The following LRCH3 variants were observed in gnomAD, a reference collection of about 807,000 sequenced individuals.
The protein encoded by LRCH3 is leucine rich repeats and calponin homology domain containing 3.
A neutral mutation model predicts 104.5 loss-of-function variants in LRCH3; 68 were observed. That is an observed-to-expected ratio of 0.65 (90% CI 0.54 to 0.80). The LOEUF (loss-of-function observed/expected upper bound fraction) is 0.80. LRCH3 is among the 30% of genes least tolerant of loss of function. The probability of loss-of-function intolerance (pLI) is 0.00; values close to 1 mark genes in which losing one functional copy is unlikely to be tolerated. For synonymous variants in LRCH3, 344 were observed against 361.3 expected, an observed-to-expected ratio of 0.95 and a Z score of 0.54; for missense variants, 951 against 953.9, an observed-to-expected ratio of 1.00 and a Z score of 0.04.
intron 10 of LRCH3, among the ~76,000 whole-genome samples, chr3:197,846,849 TAGC>T (rs1388955219): frequency 2.0e-5 from 3 of 152,290 alleles, no homozygotes; most frequent in African/African-American, 7.2e-5. Context: ...TTAACACTGA[TAGC>T]AGTGAGAAGG....
Position 197,791,611 on chromosome 3 carries a change from G to A in LRCH3, c.262+71G>A. 2.8e-6 allele frequency: 4 copies of A among 1,452,472 alleles called. No homozygotes were observed. In the South Asian group the frequency reaches 5.4e-5, roughly 19 times the overall value. The allele number at this position is 1,452,472 out of a possible 1,614,324, so 90.0% of individuals were successfully genotyped here. On this transcript the variant is annotated intron_variant, in intron 1 of 20. Coordinates refer to ENST00000425562, the MANE Select transcript of LRCH3 (RefSeq NM_001365715.1). ...GGGAGCCGCCCCGGCCGGGGGAGGCGGATGCGGGGGAGTTACAGCAGCTCG... is the reference window on the plus strand; with the variant it reads ...GGGAGCCGCCCCGGCCGGGGGAGGCAGATGCGGGGGAGTTACAGCAGCTCG...
chr3:197,879,487 AT>A (rs1226996867), intron 20 of LRCH3, among the ~76,000 whole-genome samples: 2 of 151,166 alleles, frequency 1.3e-5, no homozygotes, highest in Non-Finnish European at 2.9e-5. Flanking sequence ...TCTACTAAAA[AT>A]ACAAAAAATT....
chr3:197,802,831 T>C (rs1159034869), intron 1 of LRCH3, among the ~76,000 whole-genome samples: 1 of 152,210 alleles, frequency 6.6e-6, no homozygotes, highest in African/African-American at 2.4e-5. Flanking sequence ...CGAAAAGAAG[T>C]GATTGAGAGC....
intron 12 of LRCH3, among the ~76,000 whole-genome samples, chr3:197,849,787 G>A (rs537909630): frequency 8.5e-5 from 13 of 152,150 alleles, no homozygotes; most frequent in African/African-American, 1.2e-4. Flanking sequence ...AACTTGGTTC[G>A]TCCATTTGAC....
intron 4 of LRCH3, among the ~76,000 whole-genome samples, chr3:197,826,177 A>G (rs1173091038): frequency 6.6e-6 from 1 of 152,216 alleles, no homozygotes; most frequent in African/African-American, 2.4e-5. Flanking sequence ...CAAGCTGTGT[A>G]TTTTATTAGA....
intron 8 of LRCH3, among the ~76,000 whole-genome samples, chr3:197,835,049 C>A (rs965962647): frequency 6.6e-6 from 1 of 152,054 alleles, no homozygotes; most frequent in African/African-American, 2.4e-5. Flanking sequence ...GAGGCTGAGG[C>A]AGGAGAATCG....
chr3:197,880,963 G>T, intron 20 of LRCH3: 2 of 1,361,342 alleles, frequency 1.5e-6, no homozygotes, highest in South Asian at 1.7e-5. Flanking sequence ...CATTCTCCTG[G>T]CCTGTGGCCT....
intron 4 of LRCH3, among the ~76,000 whole-genome samples, chr3:197,822,650 C>A (rs547634606): frequency 7.9e-5 from 12 of 152,118 alleles, no homozygotes; most frequent in Non-Finnish European, 1.5e-4. Context: ...CAGCTACATT[C>A]GTTCGTGTGG....
At chr3:197,879,418 G>A (rs1041299292) in intron 20 of LRCH3, among the ~76,000 whole-genome samples, 28 of 151,914 alleles carry the variant, frequency 1.8e-4, no homozygotes, top group South Asian at 4.1e-4. Flanking sequence ...AGGCCGAGGT[G>A]GGCGGATCAC....
rs771671112 is a variant in LRCH3, at chr3:197,839,277, T to C, written c.1252-44T>C. The C allele has an allele frequency of 3.8e-6, 5 of 1,320,908 alleles. No homozygotes were observed. The Admixed American group carries it at 8.8e-5, about 23-fold the overall frequency. The allele number at this position is 1,320,908 out of a possible 1,614,324, so 81.8% of individuals were successfully genotyped here. A position where few individuals can be genotyped will look rare whatever the true frequency, so the allele number is the denominator to read the frequency against. The stretch of plus-strand genomic sequence containing the variant: ...TGTGAACTGTGTAATCGCAGTGTTC[T>C]GGATTAATATACTAAATTTATTTAT... On this transcript the variant is annotated intron_variant, in intron 9 of 20. Coordinates refer to ENST00000425562, the MANE Select transcript of LRCH3 (RefSeq NM_001365715.1).
At chr3:197,838,527 T>C (rs1228983647) in intron 9 of LRCH3, among the ~76,000 whole-genome samples, 1 of 152,246 alleles carries the variant, frequency 6.6e-6, no homozygotes, top group African/African-American at 2.4e-5. Context: ...TTTCTTATTT[T>C]TCCCTTGATG....
At position 197,883,255 on chromosome 3, in the gene LRCH3, C is replaced by T. The variant is rs537285422; in HGVS notation, c.2209-286C>T. ...GATAAAGGATGTTGCTTTCACCCTG[C>T]GGTATTGTTTTCCCTCTGTTGTATG... is the stretch of plus-strand genomic sequence containing the variant. On this transcript the variant is annotated intron_variant, in intron 20 of 20. Coordinates refer to ENST00000425562, the MANE Select transcript of LRCH3 (RefSeq NM_001365715.1). This position sits in a 1 kb window ranked among gnomAD's most constrained non-coding sequence, Gnocchi z 4.2. The T allele has an allele frequency of 1.8e-5, 20 of 1,102,604 alleles. No individual in the cohort carries two copies. In the East Asian group the frequency reaches 2.7e-4, roughly 15 times the overall value. 68.3% of individuals were successfully genotyped at this position (1,102,604 alleles called of 1,614,324 possible).
At chr3:197,864,189 C>T (rs1036265903) in intron 15 of LRCH3, among the ~76,000 whole-genome samples, 1 of 152,042 alleles carries the variant, frequency 6.6e-6, no homozygotes, top group Non-Finnish European at 1.5e-5. Flanking sequence ...GCCTATAATC[C>T]CAGCTACTCG....
rs75008579 is a variant in LRCH3, at chr3:197,850,368, T to C, written c.1531-2193T>C. 21 of 908,218 alleles carry C rather than the reference T, an allele frequency of 2.3e-5. No individual in the cohort carries two copies. In the African/African-American group the frequency reaches 2.9e-4, roughly 12 times the overall value. 56.3% of individuals were successfully genotyped at this position (908,218 alleles called of 1,614,324 possible). ...CATTTTTTCTTTTTTTTTTTTTTTT[T>C]CCTTTTAATTACATTTATTTTAATG... On this transcript the variant is annotated intron_variant, in intron 12 of 20. Transcript: ENST00000425562.
At chr3:197,792,449 A>G (rs1434754593) in intron 1 of LRCH3, among the ~76,000 whole-genome samples, 2 of 149,326 alleles carry the variant, frequency 1.3e-5, no homozygotes, top group Admixed American at 1.4e-4. Context: ...CGAGTTGTTC[A>G]TCATCATGTT....
intron 15 of LRCH3, among the ~76,000 whole-genome samples, chr3:197,860,580 G>T (rs1265935930): frequency 6.6e-6 from 1 of 151,050 alleles, no homozygotes; most frequent in Non-Finnish European, 1.5e-5. Context: ...CATTAAAACC[G>T]AATTCTTGTA....
intron 10 of LRCH3, among the ~76,000 whole-genome samples, chr3:197,841,284 A>G (rs1202970759): frequency 2.0e-5 from 3 of 152,102 alleles, no homozygotes; most frequent in East Asian, 3.9e-4. Flanking sequence ...TGAGGTCCCC[A>G]TTATTTTCCT....
At chr3:197,831,616 CTA>C (rs960675334) in intron 7 of LRCH3, among the ~76,000 whole-genome samples, 16 of 151,202 alleles carry the variant, frequency 1.1e-4, no homozygotes, top group East Asian at 7.7e-4. Context: ...TATTTTAAAT[CTA>C]TATATATATA....
chr3:197,801,608 A>G (rs1397421951), intron 1 of LRCH3, among the ~76,000 whole-genome samples: 1 of 151,988 alleles, frequency 6.6e-6, no homozygotes, highest in African/African-American at 2.4e-5. Flanking sequence ...CTCCCCAGTT[A>G]GGCACTTATT....
Sources: allele counts gnomAD v4.1 joint callset (sites outside exome capture counted in the v4.1 genomes callset), GRCh38; gene constraint gnomAD v4.1.1; non-coding constraint Gnocchi (gnomAD v3.1); transcripts MANE v1.5; gene names NCBI Gene and HGNC (gene_info 2026-07-23, HGNC 2026-07-21).